OTOGL: variants seen among roughly 807,000 people sequenced by gnomAD.
OTOGL encodes the protein otogelin like.
In OTOGL, 285 loss-of-function variants were observed where a neutral mutation model predicts 318.5. The observed-to-expected ratio is 0.89, with a 90% CI of 0.81 to 0.99. OTOGL has a LOEUF of 0.99. Ranked by LOEUF, OTOGL falls within the 50% of genes least tolerant of loss-of-function variation. The probability of loss-of-function intolerance (pLI) is 0.00; values close to 1 mark genes in which losing one functional copy is unlikely to be tolerated. For missense variants in OTOGL, 2,899 were observed against 2,845.6 expected (o/e 1.02, Z -0.43); for synonymous variants, 987 against 936.5 (o/e 1.05, Z -0.99).
intron 7 of OTOGL, among the ~76,000 whole-genome samples, chr12:80,225,481 C>T (rs1303982807): frequency 6.6e-6 from 1 of 151,982 alleles, no homozygotes; most frequent in African/African-American, 2.4e-5. Context: ...GTCACTTTCC[C>T]CTTGATTATA....
At chr12:80,240,139 C>T (rs544790341) in intron 11 of OTOGL, among the ~76,000 whole-genome samples, 101 of 152,106 alleles carry the variant, frequency 6.6e-4, no homozygotes, top group African/African-American at 2.3e-3. Flanking sequence ...CTGATGGACA[C>T]AGGTTGATTC....
At chr12:80,111,904 G>T (rs1195302618) in intron 1 of OTOGL, among the ~76,000 whole-genome samples, 2 of 152,096 alleles carry the variant, frequency 1.3e-5, no homozygotes, top group African/African-American at 2.4e-5. Context: ...CCATTTGTTT[G>T]TGTCCTCTCT....
intron 17 of OTOGL, among the ~76,000 whole-genome samples, chr12:80,257,161 C>A (rs144693833): frequency 3.3e-5 from 5 of 152,172 alleles, no homozygotes; most frequent in Non-Finnish European, 7.4e-5. Flanking sequence ...CACATGCTCA[C>A]GCTACACAGG....
chr12:80,298,068 T>C (rs1885528205), intron 27 of OTOGL, among the ~76,000 whole-genome samples: 1 of 152,248 alleles, frequency 6.6e-6, no homozygotes, highest in East Asian at 1.9e-4. Flanking sequence ...ATTCATCTCA[T>C]ACTTTTTAAA....
intron 21 of OTOGL, 104 bp downstream of exon 21, chr12:80,266,720 G>C: frequency 8.8e-7 from 1 of 1,132,842 alleles, no homozygotes; most frequent in Non-Finnish European, 1.2e-6. Context: ...ATTTCTTATT[G>C]TCTTTACTTT....
At chr12:80,362,846 G>T (rs1890315535) in intron 52 of OTOGL, among the ~76,000 whole-genome samples, 1 of 151,112 alleles carries the variant, frequency 6.6e-6, no homozygotes, top group Non-Finnish European at 1.5e-5. Context: ...ATAGATGTAT[G>T]CTGAAAAATA....
chr12:80,293,703 T>C (rs1885198384), intron 26 of OTOGL, among the ~76,000 whole-genome samples: 1 of 152,154 alleles, frequency 6.6e-6, no homozygotes. Context: ...TTATATCCTT[T>C]ACATGTTTAT....
chr12:80,149,569 G>A (rs1329728969), intron 1 of OTOGL, among the ~76,000 whole-genome samples: 1 of 152,160 alleles, frequency 6.6e-6, no homozygotes, highest in African/African-American at 2.4e-5. Flanking sequence ...AGGCAGGCAG[G>A]CCTCCTTGAG....
chr12:80,142,341 G>A (rs1016493486), intron 1 of OTOGL, among the ~76,000 whole-genome samples: 19 of 152,276 alleles, frequency 1.2e-4, no homozygotes, highest in African/African-American at 4.1e-4. Flanking sequence ...TGGCACAGAT[G>A]TATAGAAAGG....
intron 26 of OTOGL, among the ~76,000 whole-genome samples, chr12:80,281,484 T>C (rs1884233237): frequency 6.6e-6 from 1 of 152,028 alleles, no homozygotes; most frequent in Admixed American, 6.6e-5. Context: ...TCTGTTTGTG[T>C]GATGAATCAC....
At chr12:80,305,771 AT>A in intron 29 of OTOGL, 76 bp downstream of exon 29, 2 of 1,142,546 alleles carry the variant, frequency 1.8e-6, no homozygotes, top group Non-Finnish European at 2.3e-6. Flanking sequence ...TTTTATTCTT[AT>A]TTAGGTAATA....
chr12:80,250,691 G>A (rs1406239317), intron 11 of OTOGL, among the ~76,000 whole-genome samples: 1 of 152,184 alleles, frequency 6.6e-6, no homozygotes, highest in African/African-American at 2.4e-5. Flanking sequence ...CAGTAGCACA[G>A]GATAAGGGCA....
Position 80,333,030 on chromosome 12 carries a change from C to T in OTOGL, c.4374C>T (p.Asp1458=), listed in dbSNP as rs754713431. 3 of 1,600,922 alleles carry T rather than the reference C, an allele frequency of 1.9e-6. No individual in the cohort carries two copies. The highest frequency in any genetic ancestry group is 1.3e-5 in the African/African-American group (1 of 74,786). ...FTVWEMITPS[D]ITVFDMLTPT... ...TTTGGGAAATGATTACTCCATCAGA[C>T]ATCACTGTGTTTGATATGCTAACAC... is the stretch of plus-strand genomic sequence containing the variant. Residue 1458 remains aspartate (D), a synonymous_variant, in exon 38 of 59, where the codon GAC becomes GAT. Transcript: ENST00000547103.
intron 1 of OTOGL, among the ~76,000 whole-genome samples, chr12:80,175,139 C>T (rs775970253): frequency 2.6e-5 from 4 of 151,912 alleles, no homozygotes; most frequent in African/African-American, 4.8e-5. Flanking sequence ...ATCATCTCTT[C>T]GCTAAATACA....
chr12:80,314,064 C>T (rs1174200405), intron 31 of OTOGL, among the ~76,000 whole-genome samples: 3 of 152,056 alleles, frequency 2.0e-5, no homozygotes, highest in African/African-American at 7.2e-5. Flanking sequence ...ACAATTTGAA[C>T]ACTTTCAGCT....
At chr12:80,217,093 T>C (rs893860121) in intron 4 of OTOGL, among the ~76,000 whole-genome samples, 1 of 152,120 alleles carries the variant, frequency 6.6e-6, no homozygotes, top group Non-Finnish European at 1.5e-5. Flanking sequence ...CCGATTGGTG[T>C]GCAGGCAGGC....
At position 80,342,166 on chromosome 12, in the gene OTOGL, A is replaced by G; in HGVS notation, c.5265+4A>G. 1 of 1,545,978 alleles carries G rather than the reference A, an allele frequency of 6.5e-7. No homozygotes were observed. The highest frequency in any genetic ancestry group is 1.4e-5 in the African/African-American group (1 of 73,438). The stretch of plus-strand genomic sequence containing the variant: ...TTTCATTCCATGTCATGATAAAGTA[A>G]GTTGGAAGCAACCATAAATAATACT... On this transcript the variant is annotated splice_donor_region_variant and intron_variant, in intron 44 of 58. Coordinates refer to ENST00000547103, the MANE Select transcript of OTOGL (RefSeq NM_001378609.3).
In OTOGL at chr12:80,339,072, T is replaced by C. The variant is rs769803656; in HGVS notation, c.4861-3T>C. ...CTTAACAGGTGTATTTATGTTATTC[T>C]AGGTAGAAGTGGATTCCATTGTTGT... is the stretch of plus-strand genomic sequence containing the variant. On this transcript the variant is annotated splice_polypyrimidine_tract_variant and splice_region_variant and intron_variant, in intron 42 of 58. Coordinates refer to ENST00000547103, the MANE Select transcript of OTOGL (RefSeq NM_001378609.3). The C allele has an allele frequency of 2.7e-5, 43 of 1,591,784 alleles. No individual in the cohort carries two copies. The East Asian group carries it at 8.3e-4, about 31-fold the overall frequency.
At chr12:80,310,875 GT>G in intron 30 of OTOGL, 148 bp downstream of exon 30, 2 of 581,802 alleles carry the variant, frequency 3.4e-6, no homozygotes, top group East Asian at 3.0e-5. Flanking sequence ...GTGTTAGTTT[GT>G]TTTTCTGTAG....
Sources: gnomAD v4.1 joint callset for allele counts (sites outside exome capture counted in the v4.1 genomes callset) on GRCh38, gnomAD v4.1.1 for gene constraint, MANE v1.5 for transcripts, NCBI Gene and HGNC (gene_info 2026-07-23, HGNC 2026-07-21) for gene names.